Variants in TNFAIP2 observed in about 807,000 individuals in gnomAD.
The protein encoded by TNFAIP2 is tumor necrosis factor alpha-induced protein 2.
Under a neutral mutation model 63.5 loss-of-function variants are expected in TNFAIP2, and 47 were observed. The ratio of observed to expected loss-of-function variants is 0.74; its 90% confidence interval spans 0.59 to 0.94. TNFAIP2 has a LOEUF of 0.94. TNFAIP2 is among the 40% of genes least tolerant of loss of function. The probability of loss-of-function intolerance (pLI) is 0.00; values close to 1 mark genes in which losing one functional copy is unlikely to be tolerated. For missense variants in TNFAIP2, 787 were observed against 850.2 expected (o/e 0.93, Z 0.92); for synonymous variants, 405 against 390.2 (o/e 1.04, Z -0.45).
At chr14:103,124,716 T>C (rs889131607) in intron 1 of TNFAIP2, among the ~76,000 whole-genome samples, 4 of 152,200 alleles carry the variant, frequency 2.6e-5, no homozygotes, top group Non-Finnish European at 4.4e-5. Flanking sequence ...GGAAGCGAAG[T>C]TGGGGCACCG....
chr14:103,133,976 C>G (rs1200338776), intron 11 of TNFAIP2, among the ~76,000 whole-genome samples, 173 bp downstream of exon 11: 1 of 152,226 alleles, frequency 6.6e-6, no homozygotes. Flanking sequence ...ACAATACTTC[C>G]CATTCCCGTT....
upstream of TNFAIP2, chr14:103,122,674 C>T (rs1184184495): frequency 8.8e-6 from 4 of 455,936 alleles, no homozygotes; most frequent in East Asian, 6.9e-5. Flanking sequence ...TGGGCAAAGC[C>T]GGGTTGATGA....
intron 3 of TNFAIP2, among the ~76,000 whole-genome samples, chr14:103,128,091 AGCG>A (rs2087899311): frequency 6.6e-6 from 1 of 152,180 alleles, no homozygotes; most frequent in Non-Finnish European, 1.5e-5. Flanking sequence ...GGTGAAAGCC[AGCG>A]GTCCTTCTCT....
intron 8 of TNFAIP2, among the ~76,000 whole-genome samples, chr14:103,132,155 C>T (rs2087990519): frequency 6.6e-6 from 1 of 152,186 alleles, no homozygotes; most frequent in Admixed American, 6.5e-5. Flanking sequence ...CCCTCAGCCC[C>T]TCCTATCCAC....
chr14:103,128,866 G>C (rs1014668241), intron 3 of TNFAIP2, among the ~76,000 whole-genome samples: 1 of 152,236 alleles, frequency 6.6e-6, no homozygotes, highest in Non-Finnish European at 1.5e-5. Flanking sequence ...CTGGCCTGGG[G>C]TTAGCAACAG....
At position 103,129,808 on chromosome 14, in the gene TNFAIP2, C is replaced by G. The variant is rs145439857; in HGVS notation, c.929C>G (p.Pro310Arg). 2.8e-5 allele frequency: 45 copies of G among 1,613,926 alleles called. No homozygotes were observed. Among genetic ancestry groups the G allele is most frequent in the Non-Finnish European group, 3.1e-5 (37 of 1,179,972 alleles). ...QGMGLGSLLP[P>R]RQIRLLEATF... The stretch of plus-strand genomic sequence containing the variant: ...ATGGGGCTCGGGAGCCTCCTGCCCC[C>G]CAGGCAGATCCGACTGCTGGAGGCC... The change falls in exon 4 of 12, where the codon CCC becomes CGC. Residue 310 changes from proline to arginine, a missense_variant. Physicochemically the swap from Pro to Arg is moderately radical, Grantham distance 103 (BLOSUM62 -2). Coordinates refer to ENST00000560869, the MANE Select transcript of TNFAIP2 (RefSeq NM_006291.4).
chr14:103,135,775 CA>C lies in TNFAIP2; in HGVS notation c.*416del, dbSNP rs780147145. The C allele has an allele frequency of 7.8e-7, 1 of 1,288,888 alleles. No homozygotes were observed. Among genetic ancestry groups the C allele is most frequent in the South Asian group, 1.3e-5 (1 of 79,456 alleles). The allele number at this position is 1,288,888 out of a possible 1,614,324, so 79.8% of individuals were successfully genotyped here. A position where few individuals can be genotyped will look rare whatever the true frequency, so the allele number is the denominator to read the frequency against. On this transcript the variant is annotated 3_prime_UTR_variant, in exon 12 of 12. Coordinates refer to ENST00000560869, the MANE Select transcript of TNFAIP2 (RefSeq NM_006291.4). This position sits in a 1 kb window ranked among gnomAD's most constrained non-coding sequence, Gnocchi z 7.6. ...AGGGCCCTCTTCAGCTCTCTGGAGA[CA>C]GGGGCCGAGCCTCACCCATCTGCCC...
At chr14:103,134,775 A>T (rs1372126121) in intron 11 of TNFAIP2, among the ~76,000 whole-genome samples, 1 of 152,226 alleles carries the variant, frequency 6.6e-6, no homozygotes, top group African/African-American at 2.4e-5. Flanking sequence ...AAGGGAAGCC[A>T]GGTCTCAGTC....
At chr14:103,121,742 C>A (rs1891111880), upstream of TNFAIP2, among the ~76,000 whole-genome samples, 1 of 152,202 alleles carries the variant, frequency 6.6e-6, no homozygotes, top group African/African-American at 2.4e-5. Context: ...ACAAGGGTGG[C>A]AGCCCCGCCT....
chr14:103,126,736 G>A, intron 2 of TNFAIP2, 44 bp downstream of exon 2: 1 of 1,531,858 alleles, frequency 6.5e-7, no homozygotes, highest in South Asian at 1.2e-5. Context: ...GGCCTGGACG[G>A]GGTTGGCGCT....
At chr14:103,128,324 C>G (rs754061900) in intron 3 of TNFAIP2, among the ~76,000 whole-genome samples, 1 of 152,166 alleles carries the variant, frequency 6.6e-6, no homozygotes, top group Admixed American at 6.5e-5. Flanking sequence ...GTGAGCCCGC[C>G]GCAGAGCTGG....
rs771186128 is a variant in TNFAIP2, at chr14:103,126,636, C to G, written c.179C>G (p.Ala60Gly). The G allele has an allele frequency of 5.8e-6, 9 of 1,554,862 alleles. No homozygotes were observed. Among genetic ancestry groups the G allele is most frequent in the Non-Finnish European group, 7.8e-6 (9 of 1,148,972 alleles). The change falls in exon 2 of 12, where the codon GCG becomes GGG. Residue 60 changes from alanine to glycine, a missense_variant. Transcript: ENST00000560869. ...GKKKKGQPSS[A>G]EPEDAAGSRQ... is the part of the protein sequence containing the mutation. Reference sequence around the variant, plus strand: ...AAGAAGAAGGGTCAGCCCAGCTCAGCGGAGCCCGAGGACGCAGCCGGGTCC... The same window carrying G: ...AAGAAGAAGGGTCAGCCCAGCTCAGGGGAGCCCGAGGACGCAGCCGGGTCC...
rs770017198 is a variant in TNFAIP2, at chr14:103,132,851, G to A, written c.1524G>A (p.Glu508=). The change falls in exon 9 of 12, where the codon GAG becomes GAA. Residue 508 remains glutamate (E), a synonymous_variant. Coordinates refer to ENST00000560869, the MANE Select transcript of TNFAIP2 (RefSeq NM_006291.4). The part of the protein sequence containing the change: ...TVDTRLPEFS[E]LQGCFREELM... ...ACACGAGGCTGCCTGAGTTCTCAGA[G>A]CTGCAGGGCTGTTTCCGGGAGGTGA... is the stretch of plus-strand genomic sequence containing the variant. The A allele has an allele frequency of 1.9e-6, 3 of 1,613,986 alleles. No individual in the cohort carries two copies. Among genetic ancestry groups the A allele is most frequent in the South Asian group, 1.1e-5 (1 of 90,992 alleles).
chr14:103,127,627 C>A lies in TNFAIP2; in HGVS notation c.858C>A (p.Pro286=), dbSNP rs760923256. 1.3e-6 allele frequency: 2 copies of A among 1,491,906 alleles called. No homozygotes were observed. The highest frequency in any genetic ancestry group is 1.8e-6 in the Non-Finnish European group (2 of 1,118,724). The allele number at this position is 1,491,906 out of a possible 1,614,324, so 92.4% of individuals were successfully genotyped here. Residue 286 remains proline (P), a splice_region_variant and synonymous_variant, in exon 3 of 12, where the codon CCC becomes CCA. Coordinates refer to ENST00000560869, the MANE Select transcript of TNFAIP2 (RefSeq NM_006291.4). This position sits in a 1 kb window ranked among gnomAD's most constrained non-coding sequence, Gnocchi z 5.1. ...MLLLWVQNLY[P]NDIINSPKLV... ...TGCTCTGGGTGCAGAACCTCTACCC[C>A]AAGTGAGCAGACCAGGGGCTGGGCC...
Position 103,126,317 on chromosome 14 carries a change from C to T in TNFAIP2, c.-141C>T, listed in dbSNP as rs1022994892. 1 of 641,990 alleles carries T rather than the reference C, an allele frequency of 1.6e-6. No individual in the cohort carries two copies. Among genetic ancestry groups the T allele is most frequent in the Non-Finnish European group, 2.7e-6 (1 of 367,896 alleles). 39.8% of individuals were successfully genotyped at this position (641,990 alleles called of 1,614,324 possible). A position where few individuals can be genotyped will look rare whatever the true frequency, so the allele number is the denominator to read the frequency against. On this transcript the variant is annotated 5_prime_UTR_variant, in exon 2 of 12. Transcript: ENST00000560869. ...TTCACCCCCACCCCGCAGGAGCCTG[C>T]AGGCCTGAACCAGGGTGATGCTGAA...
intron 1 of TNFAIP2, among the ~76,000 whole-genome samples, chr14:103,125,943 G>A (rs1248009740): frequency 6.6e-6 from 1 of 152,176 alleles, no homozygotes; most frequent in Admixed American, 6.5e-5. Context: ...CTCTTCCCTA[G>A]GGTCCCGTGG....
intron 2 of TNFAIP2, 91 bp downstream of exon 2, chr14:103,126,783 C>A: frequency 1.4e-6 from 2 of 1,394,308 alleles, no homozygotes; most frequent in African/African-American, 1.4e-5. Flanking sequence ...AGTGGGCCGG[C>A]AAGTGGGGCT....
upstream of TNFAIP2, among the ~76,000 whole-genome samples, chr14:103,122,421 G>A (rs142429768): frequency 1.7e-4 from 26 of 152,342 alleles, no homozygotes; most frequent in East Asian, 4.6e-3. Flanking sequence ...AGGAGCAGAG[G>A]CCCCAGTGAG....
In TNFAIP2 at chr14:103,137,299, A is replaced by G. The variant is rs2088113364; in HGVS notation, c.*1939A>G. On this transcript the variant is annotated 3_prime_UTR_variant, in exon 12 of 12. Transcript: ENST00000560869. Reference sequence around the variant, plus strand: ...GAAGTGGCCGGTATAAAGGATGCCCAAGGTCTTTGTACGTGTGTAGGAGTT... The same window carrying G: ...GAAGTGGCCGGTATAAAGGATGCCCGAGGTCTTTGTACGTGTGTAGGAGTT... 1 of 152,282 alleles carries G rather than the reference A, an allele frequency of 6.6e-6. No individual in the cohort carries two copies. Among genetic ancestry groups the G allele is most frequent in the South Asian group, 2.1e-4 (1 of 4,838 alleles). 9.4% of individuals were successfully genotyped at this position (152,282 alleles called of 1,614,324 possible). A position where few individuals can be genotyped will look rare whatever the true frequency, so the allele number is the denominator to read the frequency against.
Sources: gnomAD v4.1 joint callset for allele counts (sites outside exome capture counted in the v4.1 genomes callset) on GRCh38, gnomAD v4.1.1 for gene constraint, Gnocchi (gnomAD v3.1) non-coding constraint, MANE v1.5 for transcripts, NCBI Gene and HGNC (gene_info 2026-07-23, HGNC 2026-07-21) for gene names.